RAPGEF1: variants seen among roughly 807,000 people sequenced by gnomAD.
The protein encoded by RAPGEF1 is CRK SH3-binding GNRP.
A neutral mutation model predicts 143.3 loss-of-function variants in RAPGEF1; 33 were observed. That is an observed-to-expected ratio of 0.23 (90% CI 0.17 to 0.31). The LOEUF is 0.31. Among genes scored for constraint, RAPGEF1 ranks in the 10% least tolerant of loss-of-function variants. RAPGEF1 has a pLI of 1.00. For synonymous variants in RAPGEF1, 629 were observed against 676.5 expected, an observed-to-expected ratio of 0.93 and a Z score of 1.09; for missense variants, 1,199 against 1,645.4, an observed-to-expected ratio of 0.73 and a Z score of 4.69.
At chr9:131,630,460 G>A (rs927092428) in intron 5 of RAPGEF1, 136 bp from the exon 6 acceptor site, 14 of 785,996 alleles carry the variant, frequency 1.8e-5, no homozygotes, top group East Asian at 1.3e-4. Context: ...CACCATAAAC[G>A]CAAGTATCAC....
intron 1 of RAPGEF1, among the ~76,000 whole-genome samples, chr9:131,739,274 A>G (rs1412161956): frequency 6.6e-6 from 1 of 152,192 alleles, no homozygotes; most frequent in African/African-American, 2.4e-5. Context: ...TACCTCCTCA[A>G]AATACCCCCA....
At position 131,630,449 on chromosome 9, in the gene RAPGEF1, G is replaced by A. The variant is rs1054082308; in HGVS notation, c.652-125C>T. The A allele has an allele frequency of 3.1e-5, 27 of 885,144 alleles. 1 individual carries two copies. In the Middle Eastern group the frequency reaches 9.0e-4, roughly 30 times the overall value. The allele number at this position is 885,144 out of a possible 1,614,324, so 54.8% of individuals were successfully genotyped here. A position where few individuals can be genotyped will look rare whatever the true frequency, so the allele number is the denominator to read the frequency against. ...ATTTCTGTGCCTACAGATTCCCCAC[G>A]CACCATAAACGCAAGTATCACTTGC... On this transcript the variant is annotated intron_variant, in intron 5 of 26. Coordinates refer to ENST00000683357, the MANE Select transcript of RAPGEF1 (RefSeq NM_001377935.1).
rs78566796 is a variant in RAPGEF1, at chr9:131,674,833, C to T, written c.62-23884G>A. Reference sequence around the variant, plus strand: ...GAGAACAAGAAACCCTGTGGAGGCGCGGGGAGGGCAGACCTGAAGCATCGC... The same window carrying T: ...GAGAACAAGAAACCCTGTGGAGGCGTGGGGAGGGCAGACCTGAAGCATCGC... On this transcript the variant is annotated intron_variant, in intron 1 of 26. Transcript: ENST00000683357. Among the ~76,000 whole-genome samples, 412 of 152,232 alleles carry T rather than the reference C, an allele frequency of 2.7e-3. 2 individuals carry two copies. Among genetic ancestry groups the T allele is most frequent in the Non-Finnish European group, 4.4e-3 (300 of 67,990 alleles).
rs557269641 is a variant in RAPGEF1, at chr9:131,602,294, C to T, written c.2413-145G>A. On this transcript the variant is annotated intron_variant, in intron 14 of 26. Coordinates refer to ENST00000683357, the MANE Select transcript of RAPGEF1 (RefSeq NM_001377935.1). ...ATGTGAACAAATTAAAGATGAATGC[C>T]GTTAATCACAGGAAACACAAGCCCT... The T allele has an allele frequency of 3.3e-4, 196 of 598,692 alleles. No individual in the cohort carries two copies. The highest frequency in any genetic ancestry group is 3.5e-4 in the South Asian group (17 of 48,998). 37.1% of individuals were successfully genotyped at this position (598,692 alleles called of 1,614,324 possible).
At chr9:131,727,127 C>T (rs989935534) in intron 1 of RAPGEF1, among the ~76,000 whole-genome samples, 3 of 152,146 alleles carry the variant, frequency 2.0e-5, no homozygotes, top group Non-Finnish European at 4.4e-5. Flanking sequence ...TTCCACCCAG[C>T]AGCTTACAAG....
At chr9:131,689,590 G>A (rs1349589335) in intron 1 of RAPGEF1, among the ~76,000 whole-genome samples, 1 of 151,314 alleles carries the variant, frequency 6.6e-6, no homozygotes, top group Non-Finnish European at 1.5e-5. Context: ...CCAGGCTGAA[G>A]TGCAGTGCTG....
intron 1 of RAPGEF1, among the ~76,000 whole-genome samples, chr9:131,688,444 G>A (rs983172859): frequency 1.4e-4 from 21 of 152,182 alleles, no homozygotes; most frequent in African/African-American, 5.1e-4. Context: ...GAACCTGGTG[G>A]CATCCTTGAC....
At chr9:131,702,961 C>T (rs1834772252) in intron 1 of RAPGEF1, among the ~76,000 whole-genome samples, 1 of 152,180 alleles carries the variant, frequency 6.6e-6, no homozygotes, top group African/African-American at 2.4e-5. Context: ...CATCGTGCAG[C>T]CGCTCTGAAA....
intron 1 of RAPGEF1, among the ~76,000 whole-genome samples, chr9:131,719,149 C>T (rs111288846): frequency 2.2e-4 from 33 of 152,254 alleles, no homozygotes; most frequent in African/African-American, 6.3e-4. Flanking sequence ...TTAGTTTTCA[C>T]GTTCTGGATG....
intron 1 of RAPGEF1, among the ~76,000 whole-genome samples, chr9:131,729,461 T>C (rs750924211): frequency 6.6e-6 from 1 of 152,254 alleles, no homozygotes; most frequent in Non-Finnish European, 1.5e-5. Flanking sequence ...GCAAATGTAC[T>C]TTTTAAGCCA....
chr9:131,660,908 A>G (rs1392054882), intron 1 of RAPGEF1, among the ~76,000 whole-genome samples: 1 of 152,264 alleles, frequency 6.6e-6, no homozygotes, highest in African/African-American at 2.4e-5. Flanking sequence ...GAGATTCAGA[A>G]TCACAAAAGG....
chr9:131,672,517 C>G (rs1187696379), intron 1 of RAPGEF1, among the ~76,000 whole-genome samples: 1 of 152,182 alleles, frequency 6.6e-6, no homozygotes, highest in East Asian at 1.9e-4. Flanking sequence ...TGGGCTTCAA[C>G]AGGTGGCCCT....
At chr9:131,648,528 C>CT (rs1433195409) in intron 3 of RAPGEF1, among the ~76,000 whole-genome samples, 1 of 152,240 alleles carries the variant, frequency 6.6e-6, no homozygotes, top group Non-Finnish European at 1.5e-5. Flanking sequence ...TTTACTCTGA[C>CT]TGCCTGGACT....
chr9:131,612,877 T>C (rs547561989), intron 12 of RAPGEF1, among the ~76,000 whole-genome samples: 1 of 151,978 alleles, frequency 6.6e-6, no homozygotes, highest in Non-Finnish European at 1.5e-5. Context: ...CTCAGGTCAG[T>C]AGGGAAGGAA....
chr9:131,700,451 T>C (rs1834546610), intron 1 of RAPGEF1, among the ~76,000 whole-genome samples: 1 of 152,194 alleles, frequency 6.6e-6, no homozygotes, highest in South Asian at 2.1e-4. Flanking sequence ...GCCTACATAT[T>C]ATACTTGTTC....
At chr9:131,588,386 C>T (rs1011234563) in intron 20 of RAPGEF1, among the ~76,000 whole-genome samples, 5 of 152,302 alleles carry the variant, frequency 3.3e-5, no homozygotes, top group African/African-American at 9.6e-5. Flanking sequence ...GCCAAAGAAA[C>T]GAAGGCTATG....
intron 1 of RAPGEF1, among the ~76,000 whole-genome samples, chr9:131,664,554 C>CT (rs1564654621): frequency 6.6e-6 from 1 of 151,946 alleles, no homozygotes; most frequent in South Asian, 2.1e-4. Flanking sequence ...AGCTCCCTTC[C>CT]ACAACAGTGA....
At chr9:131,622,199 C>T (rs1286249829) in intron 10 of RAPGEF1, among the ~76,000 whole-genome samples, 4 of 152,138 alleles carry the variant, frequency 2.6e-5, no homozygotes, top group Non-Finnish European at 5.9e-5. Context: ...ACGTCCAGAC[C>T]GGCAGACGCG....
chr9:131,660,636 G>A (rs1036250354), intron 1 of RAPGEF1, among the ~76,000 whole-genome samples: 1 of 152,168 alleles, frequency 6.6e-6, no homozygotes, highest in African/African-American at 2.4e-5. Context: ...CTGCGCCCTT[G>A]TATGGTGAGA....
Sources: allele counts gnomAD v4.1 joint callset (sites outside exome capture counted in the v4.1 genomes callset), GRCh38; gene constraint gnomAD v4.1.1; transcripts MANE v1.5; gene names NCBI Gene and HGNC (gene_info 2026-07-23, HGNC 2026-07-21).